Variants in SGMS2 observed in about 807,000 individuals in gnomAD.
SGMS2 encodes phosphatidylcholine:ceramide cholinephosphotransferase 2.
SGMS2 carries 21 observed loss-of-function variants against 43.8 expected under a neutral mutation model. That is an observed-to-expected ratio of 0.48 (90% CI 0.34 to 0.69). The LOEUF (loss-of-function observed/expected upper bound fraction) is 0.69, where lower values mean the gene tolerates loss of function less well. Ranked by LOEUF, SGMS2 falls within the 30% of genes least tolerant of loss-of-function variation. The pLI is 0.01. For missense variants in SGMS2, 384 were observed against 443.2 expected (o/e 0.87, Z 1.20); for synonymous variants, 167 against 160.6 (o/e 1.04, Z -0.30).
intron 2 of SGMS2, among the ~76,000 whole-genome samples, chr4:107,869,388 A>T (rs1269724368): frequency 6.6e-6 from 1 of 152,150 alleles, no homozygotes; most frequent in Non-Finnish European, 1.5e-5. Flanking sequence ...GGGATATTGC[A>T]TGTGAAATAA....
chr4:107,863,690 G>A (rs1727908794), intron 2 of SGMS2: 1 of 152,130 alleles, frequency 6.6e-6, no homozygotes, highest in Admixed American at 6.6e-5. Flanking sequence ...ATGCTCTGAA[G>A]CTAGATATGG....
Position 107,911,902 on chromosome 4 carries a change from C to G in SGMS2, c.*1349C>G, listed in dbSNP as rs1732150019. 1 of 152,148 alleles carries G rather than the reference C, an allele frequency of 6.6e-6. No homozygotes were observed. Among genetic ancestry groups the G allele is most frequent in the Non-Finnish European group, 1.5e-5 (1 of 68,032 alleles). 9.4% of individuals were successfully genotyped at this position (152,148 alleles called of 1,614,324 possible). A position where few individuals can be genotyped will look rare whatever the true frequency, so the allele number is the denominator to read the frequency against. On this transcript the variant is annotated 3_prime_UTR_variant, in exon 7 of 7. Coordinates refer to ENST00000690982, the MANE Select transcript of SGMS2 (RefSeq NM_001375905.1). ...GATAATTCTTGGCTTAATTTCTTAG[C>G]TACTTGAAGGTTAATTTGCAAGACT...
Position 107,835,269 on chromosome 4 carries a change from A to G in SGMS2, c.-327+10016A>G, listed in dbSNP as rs1481274106. On this transcript the variant is annotated intron_variant, in intron 1 of 6. Coordinates refer to ENST00000690982, the MANE Select transcript of SGMS2 (RefSeq NM_001375905.1). ...AAAATTAGCTGCAGTTTCTAGGGGGAAGAGATTGTCTTGTGTAGAAGTATA... is the reference window on the plus strand; with the variant it reads ...AAAATTAGCTGCAGTTTCTAGGGGGGAGAGATTGTCTTGTGTAGAAGTATA... Among the ~76,000 whole-genome samples the G allele has an allele frequency of 5.3e-5, 8 of 152,136 alleles. No homozygotes were observed. The East Asian group carries it at 1.5e-3, about 29-fold the overall frequency.
intron 2 of SGMS2, among the ~76,000 whole-genome samples, chr4:107,888,683 TTAAA>T (rs1276105562): frequency 2.6e-5 from 4 of 152,182 alleles, no homozygotes; most frequent in Admixed American, 6.6e-5. Flanking sequence ...TACATAACCT[TTAAA>T]TAAGCTTTGA....
intron 5 of SGMS2, among the ~76,000 whole-genome samples, chr4:107,904,521 C>T (rs983942101): frequency 4.6e-5 from 7 of 152,272 alleles, no homozygotes; most frequent in African/African-American, 1.7e-4. Context: ...AGTTGAGGTT[C>T]TCTGTAGTAG....
At position 107,862,307 on chromosome 4, in the gene SGMS2, T is replaced by G. The variant is rs1273947428; in HGVS notation, c.-245+3754T>G. 4.6e-5 allele frequency among the ~76,000 whole-genome samples: 7 copies of G among 152,316 alleles called. No homozygotes were observed. In the East Asian group the frequency reaches 9.6e-4, roughly 21 times the overall value. Reference sequence around the variant, plus strand: ...TGAAGATGAAGGTTAGTAAGGTGACTTTAGGCCAGCTTTGCTATATATTTG... The same window carrying G: ...TGAAGATGAAGGTTAGTAAGGTGACGTTAGGCCAGCTTTGCTATATATTTG... On this transcript the variant is annotated intron_variant, in intron 2 of 6. Coordinates refer to ENST00000690982, the MANE Select transcript of SGMS2 (RefSeq NM_001375905.1).
At chr4:107,858,922 A>G (rs2126028605) in intron 2 of SGMS2, among the ~76,000 whole-genome samples, 1 of 152,332 alleles carries the variant, frequency 6.6e-6, no homozygotes, top group South Asian at 2.1e-4. Context: ...AGAAAACAGA[A>G]AATCTTCAAA....
chr4:107,895,537 C>G lies in SGMS2; in HGVS notation c.-17C>G, dbSNP rs1560667073. On this transcript the variant is annotated 5_prime_UTR_variant, in exon 3 of 7. In the 5' UTR this introduces an upstream ATG that the reference lacks. Coordinates refer to ENST00000690982, the MANE Select transcript of SGMS2 (RefSeq NM_001375905.1). ...AGAACTTGACCATCTCCTTTTTGAT[C>G]TGAAGACTAGGGGACAATGGATATC... The G allele has an allele frequency of 6.3e-7, 1 of 1,586,326 alleles. No homozygotes were observed. The highest frequency in any genetic ancestry group is 8.6e-7 in the Non-Finnish European group (1 of 1,167,024).
chr4:107,861,564 A>G (rs1033365717), intron 2 of SGMS2, among the ~76,000 whole-genome samples: 3 of 152,206 alleles, frequency 2.0e-5, no homozygotes, highest in African/African-American at 7.2e-5. Context: ...TGCAGCCTAC[A>G]GTTAGCCAGT....
intron 2 of SGMS2, among the ~76,000 whole-genome samples, chr4:107,890,448 G>A (rs1173792602): frequency 1.3e-5 from 2 of 152,182 alleles, no homozygotes; most frequent in African/African-American, 4.8e-5. Context: ...GCCAAGGCAG[G>A]TGGATCAACT....
At chr4:107,875,263 C>T (rs1047175509) in intron 2 of SGMS2, among the ~76,000 whole-genome samples, 1 of 152,068 alleles carries the variant, frequency 6.6e-6, no homozygotes, top group African/African-American at 2.4e-5. Flanking sequence ...CCTAAGTGGC[C>T]ATTGATGATA....
At chr4:107,832,145 T>C (rs1389935518) in intron 1 of SGMS2, among the ~76,000 whole-genome samples, 5 of 152,234 alleles carry the variant, frequency 3.3e-5, no homozygotes, top group Non-Finnish European at 5.9e-5. Context: ...CAGTTATTAC[T>C]ACCCCAGTAG....
At chr4:107,863,508 C>A (rs931758373) in intron 2 of SGMS2, 1 of 152,264 alleles carries the variant, frequency 6.6e-6, no homozygotes. Context: ...TTTATGATTT[C>A]AAGGACTGCA....
At position 107,911,433 on chromosome 4, in the gene SGMS2, A is replaced by G. The variant is rs550858800; in HGVS notation, c.*880A>G. 5 of 152,310 alleles carry G rather than the reference A, an allele frequency of 3.3e-5. No homozygotes were observed. Among genetic ancestry groups the G allele is most frequent in the African/African-American group, 9.6e-5 (4 of 41,574 alleles). The allele number at this position is 152,310 out of a possible 1,614,324, so 9.4% of individuals were successfully genotyped here. A position where few individuals can be genotyped will look rare whatever the true frequency, so the allele number is the denominator to read the frequency against. ...CACGTGTGTGTCAACTGAGGTTCAC[A>G]CCACTTGGGGAATGAGCCTGTTTTC... On this transcript the variant is annotated 3_prime_UTR_variant, in exon 7 of 7. Transcript: ENST00000690982.
chr4:107,903,480 G>A (rs1187309442), intron 5 of SGMS2, 94 bp downstream of exon 5: 1 of 1,207,468 alleles, frequency 8.3e-7, no homozygotes, highest in Non-Finnish European at 1.2e-6. Flanking sequence ...TCTTGGGATT[G>A]ATAAGCTGTG....
intron 2 of SGMS2, among the ~76,000 whole-genome samples, chr4:107,874,605 T>G (rs1728777650): frequency 6.6e-6 from 1 of 152,184 alleles, no homozygotes; most frequent in Non-Finnish European, 1.5e-5. Flanking sequence ...TTCCAAGTGA[T>G]TTTTTTAAGT....
intron 2 of SGMS2, among the ~76,000 whole-genome samples, chr4:107,869,807 T>C (rs1728419978): frequency 6.6e-6 from 1 of 152,210 alleles, no homozygotes; most frequent in African/African-American, 2.4e-5. Flanking sequence ...GGGTTCACTG[T>C]AGTATTTTCT....
intron 2 of SGMS2, among the ~76,000 whole-genome samples, chr4:107,874,838 T>G (rs1468459168): frequency 6.6e-6 from 1 of 152,184 alleles, no homozygotes; most frequent in Non-Finnish European, 1.5e-5. Context: ...TCTCTTCGTG[T>G]CTCTACCTCA....
chr4:107,849,834 T>G (rs539464980), intron 1 of SGMS2, among the ~76,000 whole-genome samples: 1 of 152,312 alleles, frequency 6.6e-6, no homozygotes. Flanking sequence ...TATTATTACA[T>G]TATTACAATT....
Sources: gnomAD v4.1 joint callset for allele counts (sites outside exome capture counted in the v4.1 genomes callset) on GRCh38, gnomAD v4.1.1 for gene constraint, MANE v1.5 for transcripts, NCBI Gene and HGNC (gene_info 2026-07-23, HGNC 2026-07-21) for gene names.